MED27: variants seen among roughly 807,000 people sequenced by gnomAD.
MED27 encodes the protein mediator complex subunit 27, also known as mediator of RNA polymerase II transcription subunit 27.
Under a neutral mutation model 38.2 loss-of-function variants are expected in MED27, and 30 were observed. The ratio of observed to expected loss-of-function variants is 0.79; its 90% confidence interval spans 0.59 to 1.07. The LOEUF is 1.07. MED27 is among the 50% of genes least tolerant of loss of function. MED27 has a pLI of 0.00. For missense variants in MED27, 289 were observed against 397.5 expected, an observed-to-expected ratio of 0.73 and a Z score of 2.32; for synonymous variants, 122 against 153.5, an observed-to-expected ratio of 0.79 and a Z score of 1.52.
intron 2 of MED27, among the ~76,000 whole-genome samples, chr9:132,053,595 G>A (rs1245996011): frequency 1.3e-5 from 2 of 152,162 alleles, no homozygotes; most frequent in African/African-American, 4.8e-5. Flanking sequence ...ATTGAGGCAC[G>A]GAGACATGAA....
intron 6 of MED27, among the ~76,000 whole-genome samples, chr9:131,882,414 A>G (rs1589182070): frequency 6.6e-6 from 1 of 152,238 alleles, no homozygotes; most frequent in Non-Finnish European, 1.5e-5. Context: ...AGGCACATCA[A>G]GCCAAGGAGC....
chr9:131,946,067 T>C (rs1197615399), intron 3 of MED27, among the ~76,000 whole-genome samples: 2 of 152,204 alleles, frequency 1.3e-5, no homozygotes, highest in Non-Finnish European at 2.9e-5. Flanking sequence ...CATGTTGTTG[T>C]AAATGACAAG....
rs1168115933 is a variant in MED27 at position 131,939,471 on chromosome 9, A to T, written c.483T>A (p.Tyr161Ter). 2.5e-6 allele frequency: 4 copies of T among 1,601,860 alleles called. No homozygotes were observed. The South Asian group carries it at 4.5e-5, about 18-fold the overall frequency. Reference protein sequence around the residue: ...QPTTLVLPPQYVDDVISRIDR... With the variant: ...QPTTLVLPPQ Reference sequence around the variant, plus strand: ...CAATGCGGCTGATCACATCATCAACATATCTACATGGGAAAAAAATAAACA... The same window carrying T: ...CAATGCGGCTGATCACATCATCAACTTATCTACATGGGAAAAAAATAAACA... Residue 161 changes from tyrosine to a stop codon, truncating the protein, a stop_gained, in exon 4 of 8, where the codon TAT becomes TAA. Transcript: ENST00000292035. LOFTEE classifies it high-confidence loss of function.
chr9:131,979,165 T>C (rs1274877579), intron 3 of MED27, among the ~76,000 whole-genome samples: 1 of 152,132 alleles, frequency 6.6e-6, no homozygotes, highest in Non-Finnish European at 1.5e-5. Flanking sequence ...GCCTTGGGCC[T>C]TGGGAGCTCC....
At chr9:131,880,695 A>T (rs1839021160) in intron 6 of MED27, among the ~76,000 whole-genome samples, 1 of 152,216 alleles carries the variant, frequency 6.6e-6, no homozygotes, top group African/African-American at 2.4e-5. Flanking sequence ...AACTAGACTA[A>T]TATCAAATTT....
chr9:132,073,238 C>T (rs1833980080), intron 2 of MED27: 2 of 832,800 alleles, frequency 2.4e-6, no homozygotes, highest in African/African-American at 1.8e-5. Flanking sequence ...CATCCAAGCA[C>T]CACAACTGGC....
At position 131,933,330 on chromosome 9, in the gene MED27, G is replaced by A. The variant is rs190792865; in HGVS notation, c.573+6051C>T. On this transcript the variant is annotated intron_variant, in intron 4 of 7. Transcript: ENST00000292035. The stretch of plus-strand genomic sequence containing the variant: ...GAAGAGGGTCAAATTATCCTTGTTA[G>A]CAGATGATCCGATCTTATATTTGGA... Among the ~76,000 whole-genome samples the A allele has an allele frequency of 3.9e-5, 6 of 152,204 alleles. No individual in the cohort carries two copies. In the East Asian group the frequency reaches 1.2e-3, roughly 29 times the overall value.
chr9:131,979,628 G>A (rs1038932129), intron 3 of MED27, among the ~76,000 whole-genome samples: 1 of 152,068 alleles, frequency 6.6e-6, no homozygotes, highest in East Asian at 1.9e-4. Flanking sequence ...AATGAAATAT[G>A]GCATTGAATA....
At chr9:132,049,936 T>G (rs1833424243) in intron 2 of MED27, among the ~76,000 whole-genome samples, 1 of 152,150 alleles carries the variant, frequency 6.6e-6, no homozygotes, top group Non-Finnish European at 1.5e-5. Context: ...TTACACTATT[T>G]TAAGTTAAAC....
Position 132,025,862 on chromosome 9 carries a change from C to T in MED27, c.349-11395G>A, listed in dbSNP as rs534711421. On this transcript the variant is annotated intron_variant, in intron 2 of 7. Transcript: ENST00000292035. ...GTGTTAATCGGCTGAGATTGTTGAG[C>T]CATTAACACTTAAGCTAAGTCTTAG... is the stretch of plus-strand genomic sequence containing the variant. 1.9e-4 allele frequency among the ~76,000 whole-genome samples: 29 copies of T among 152,206 alleles called. 1 individual carries two copies. Among genetic ancestry groups the T allele is most frequent in the African/African-American group, 6.5e-4 (27 of 41,512 alleles).
At chr9:132,068,316 C>T (rs1484648422) in intron 2 of MED27, among the ~76,000 whole-genome samples, 1 of 152,112 alleles carries the variant, frequency 6.6e-6, no homozygotes, top group Non-Finnish European at 1.5e-5. Context: ...CTCGGGCTCC[C>T]GTGTACTATT....
intron 4 of MED27, among the ~76,000 whole-genome samples, chr9:131,902,727 A>G (rs73551494): frequency 0.025 from 3,869 of 152,326 alleles, 172 homozygotes; most frequent in African/African-American, 0.088. Flanking sequence ...TCCCGTGTCC[A>G]GACTAGACTC....
intron 3 of MED27, among the ~76,000 whole-genome samples, chr9:131,956,499 C>T (rs901917326): frequency 2.6e-5 from 4 of 151,930 alleles, no homozygotes; most frequent in African/African-American, 9.7e-5. Flanking sequence ...GCCTGTAATT[C>T]CAGCTACTCA....
intron 3 of MED27, among the ~76,000 whole-genome samples, chr9:131,962,509 G>A (rs1831237919): frequency 6.6e-6 from 1 of 151,870 alleles, no homozygotes; most frequent in Non-Finnish European, 1.5e-5. Flanking sequence ...AAAATGCTGG[G>A]ACTACAGGTG....
intron 4 of MED27, among the ~76,000 whole-genome samples, chr9:131,931,015 G>A (rs1830576481): frequency 6.6e-6 from 1 of 152,104 alleles, no homozygotes; most frequent in African/African-American, 2.4e-5. Context: ...GGAAGCCAAG[G>A]GGGCAGACTG....
intron 5 of MED27, among the ~76,000 whole-genome samples, chr9:131,891,904 G>T (rs1839235331): frequency 6.6e-6 from 1 of 152,148 alleles, no homozygotes; most frequent in African/African-American, 2.4e-5. Flanking sequence ...AGGGAGAACT[G>T]CCAGTAATCA....
chr9:131,901,729 T>G (rs1829952110), intron 4 of MED27, among the ~76,000 whole-genome samples: 1 of 152,198 alleles, frequency 6.6e-6, no homozygotes, highest in Non-Finnish European at 1.5e-5. Context: ...AGCTCATCAG[T>G]GCCCCTATAC....
intron 2 of MED27, among the ~76,000 whole-genome samples, chr9:132,020,198 CTG>C (rs1365934507): frequency 6.6e-6 from 1 of 152,142 alleles, no homozygotes; most frequent in East Asian, 1.9e-4. Flanking sequence ...CATGTATACT[CTG>C]TTTCTACTGA....
At chr9:131,898,594 A>AG in intron 4 of MED27, among the ~76,000 whole-genome samples, 1 of 140,988 alleles carries the variant, frequency 7.1e-6, no homozygotes, top group African/African-American at 2.6e-5. Context: ...GGCTTTATGC[A>AG]TTTTTTTTTT....
Sources: gnomAD v4.1 joint callset for allele counts (sites outside exome capture counted in the v4.1 genomes callset) on GRCh38, gnomAD v4.1.1 for gene constraint, MANE v1.5 for transcripts, NCBI Gene and HGNC (gene_info 2026-07-23, HGNC 2026-07-21) for gene names.